Variants in SAMD5 observed in about 807,000 individuals in gnomAD.
The protein encoded by SAMD5 is sterile alpha motif domain-containing protein 5.
Under a neutral mutation model 11.3 loss-of-function variants are expected in SAMD5, and 13 were observed. The observed-to-expected ratio is 1.15, with a 90% CI of 0.75 to 1.83. SAMD5 has a LOEUF of 1.83. Ranked by LOEUF, SAMD5 falls within the 40% of genes most tolerant of loss-of-function variation. SAMD5 has a pLI of 0.00. For missense variants in SAMD5, 255 were observed against 239.1 expected (o/e 1.07, Z -0.44); for synonymous variants, 129 against 111.3 (o/e 1.16, Z -1.00).
intron 1 of SAMD5, among the ~76,000 whole-genome samples, chr6:147,650,309 T>C (rs1354376953): frequency 6.6e-6 from 1 of 152,118 alleles, no homozygotes; most frequent in Non-Finnish European, 1.5e-5. Flanking sequence ...AAGGTAGAGG[T>C]AACTTTCAAA....
chr6:147,642,611 G>A (rs149958095), intron 1 of SAMD5, among the ~76,000 whole-genome samples: 1,897 of 152,236 alleles, frequency 0.012, 13 homozygotes, highest in Non-Finnish European at 0.021. Context: ...GTCTGCCAGC[G>A]GCCATTTAGC....
chr6:147,877,936 T>TTTTTTTTTCTTTTTG, the SAMD5 span, among the ~76,000 whole-genome samples: 3 of 83,958 alleles, frequency 3.6e-5, no homozygotes, highest in South Asian at 8.1e-4. Context: ...GATAGATAGA[T>TTTTTTTTTCTTTTTG]AGATAGATAG....
chr6:147,772,114 T>A, the SAMD5 span, among the ~76,000 whole-genome samples: 2 of 152,186 alleles, frequency 1.3e-5, no homozygotes, highest in African/African-American at 4.8e-5. Context: ...AGGCAGTAAT[T>A]GAGTTTCAGG....
the SAMD5 span, among the ~76,000 whole-genome samples, chr6:147,780,993 T>C: frequency 2.6e-5 from 4 of 152,170 alleles, no homozygotes; most frequent in Non-Finnish European, 5.9e-5. Flanking sequence ...AAATACAATT[T>C]GAGTGTTGCT....
chr6:147,707,153 G>A (rs528692000), intron 1 of SAMD5, among the ~76,000 whole-genome samples: 1 of 152,196 alleles, frequency 6.6e-6, no homozygotes, highest in Non-Finnish European at 1.5e-5. Flanking sequence ...ACATTTTCCA[G>A]TGTTTATATA....
At chr6:147,642,166 G>A (rs1298217299) in intron 1 of SAMD5, among the ~76,000 whole-genome samples, 1 of 152,178 alleles carries the variant, frequency 6.6e-6, no homozygotes, top group African/African-American at 2.4e-5. Flanking sequence ...CAACCACACT[G>A]TAAGAATGTT....
intron 1 of SAMD5, among the ~76,000 whole-genome samples, chr6:147,546,912 G>T (rs892017159): frequency 6.6e-6 from 1 of 152,160 alleles, no homozygotes; most frequent in Non-Finnish European, 1.5e-5. Flanking sequence ...TTGGTACACT[G>T]TAGTTTATTC....
chr6:147,889,807 C>A, the SAMD5 span, among the ~76,000 whole-genome samples: 1 of 152,192 alleles, frequency 6.6e-6, no homozygotes, highest in Admixed American at 6.5e-5. Flanking sequence ...TCATGGACCT[C>A]AGATAGTTTC....
chr6:147,949,165 G>A, the SAMD5 span, among the ~76,000 whole-genome samples: 1 of 152,152 alleles, frequency 6.6e-6, no homozygotes, highest in Non-Finnish European at 1.5e-5. Flanking sequence ...CCCGTGCTGA[G>A]AGTTTTTTAT....
chr6:147,946,943 C>T, the SAMD5 span, among the ~76,000 whole-genome samples: 1 of 152,108 alleles, frequency 6.6e-6, no homozygotes, highest in African/African-American at 2.4e-5. Context: ...ATATGAGGGC[C>T]AATAAGCTAT....
At chr6:147,612,393 A>G (rs970596959) in intron 1 of SAMD5, among the ~76,000 whole-genome samples, 1 of 152,172 alleles carries the variant, frequency 6.6e-6, no homozygotes, top group Non-Finnish European at 1.5e-5. Flanking sequence ...TATTTTTTCA[A>G]TAAGACTTTT....
At chr6:147,735,692 A>G (rs1201378100) in intron 1 of SAMD5, among the ~76,000 whole-genome samples, 1 of 151,906 alleles carries the variant, frequency 6.6e-6, no homozygotes, top group Non-Finnish European at 1.5e-5. Flanking sequence ...TTTTCCATTC[A>G]AGGAGGGAGT....
intron 1 of SAMD5, among the ~76,000 whole-genome samples, chr6:147,554,990 A>C (rs944516793): frequency 1.6e-4 from 24 of 152,196 alleles, no homozygotes; most frequent in African/African-American, 5.6e-4. Context: ...GCAGCACAAA[A>C]GCAACAGTGG....
chr6:147,702,429 A>G (rs868638000), intron 1 of SAMD5, among the ~76,000 whole-genome samples: 1 of 152,368 alleles, frequency 6.6e-6, no homozygotes, highest in Middle Eastern at 3.4e-3. Context: ...CAAGCTCAGA[A>G]TAATAGATAA....
chr6:147,746,960 A>T, the SAMD5 span, among the ~76,000 whole-genome samples: 1 of 151,870 alleles, frequency 6.6e-6, no homozygotes, highest in Non-Finnish European at 1.5e-5. Context: ...TTTAAGTAAC[A>T]CACCCCCTCA....
the SAMD5 span, among the ~76,000 whole-genome samples, chr6:147,756,218 A>G: frequency 2.6e-5 from 4 of 152,284 alleles, no homozygotes; most frequent in East Asian, 5.8e-4. Flanking sequence ...TTTGTGTCAT[A>G]TAAGATTCCT....
intron 1 of SAMD5, among the ~76,000 whole-genome samples, chr6:147,696,121 T>A (rs1422204036): frequency 5.3e-5 from 8 of 152,072 alleles, no homozygotes. Context: ...GGGTGTTCAC[T>A]GAGGAACCCT....
chr6:147,564,369 A>C, intron 1 of SAMD5, 25 bp from the exon 2 acceptor site: 1 of 779,586 alleles, frequency 1.3e-6, no homozygotes, highest in Non-Finnish European at 2.4e-6. Context: ...GAACTTCAAT[A>C]ACCCAGATAT....
At chr6:147,843,733 C>T in the SAMD5 span, among the ~76,000 whole-genome samples, 1 of 152,098 alleles carries the variant, frequency 6.6e-6, no homozygotes, top group East Asian at 1.9e-4. Context: ...GCCAAGAAAA[C>T]AAAATGGGGA....
Sources: allele counts gnomAD v4.1 joint callset (sites outside exome capture counted in the v4.1 genomes callset), GRCh38; gene constraint gnomAD v4.1.1; transcripts MANE v1.5; gene names NCBI Gene and HGNC (gene_info 2026-07-23, HGNC 2026-07-21).